Variants in SPHKAP observed in about 807,000 individuals in gnomAD.
The protein encoded by SPHKAP is A-kinase anchor protein SPHKAP.
A neutral mutation model predicts 137.5 loss-of-function variants in SPHKAP; 67 were observed. That is an observed-to-expected ratio of 0.49 (90% CI 0.40 to 0.60). SPHKAP has a LOEUF of 0.60. Ranked by LOEUF, SPHKAP falls within the 20% of genes least tolerant of loss-of-function variation. SPHKAP has a pLI of 0.00. For synonymous variants in SPHKAP, 813 were observed against 785.3 expected (o/e 1.04, Z -0.59); for missense variants, 2,097 against 2,069.3 (o/e 1.01, Z -0.26).
chr2:228,000,013 G>A (rs548011278), intron 7 of SPHKAP, among the ~76,000 whole-genome samples: 5 of 152,272 alleles, frequency 3.3e-5, no homozygotes, highest in Non-Finnish European at 7.4e-5. Context: ...AATGTATAAT[G>A]ACTAATATCA....
intron 1 of SPHKAP, among the ~76,000 whole-genome samples, chr2:228,135,652 T>C (rs1699415633): frequency 6.6e-6 from 1 of 152,238 alleles, no homozygotes; most frequent in Non-Finnish European, 1.5e-5. Context: ...TTTTTTTTGC[T>C]TGCCTGCAAG....
intron 1 of SPHKAP, among the ~76,000 whole-genome samples, chr2:228,149,569 GGAA>G (rs1465870571): frequency 6.6e-6 from 1 of 152,096 alleles, no homozygotes; most frequent in Non-Finnish European, 1.5e-5. Context: ...AGAGCATTAG[GGAA>G]GAAGGAGCAA....
At chr2:228,112,561 A>G (rs1435307663) in intron 2 of SPHKAP, among the ~76,000 whole-genome samples, 4 of 152,110 alleles carry the variant, frequency 2.6e-5, no homozygotes, top group Non-Finnish European at 1.5e-5. Context: ...CTGGGTGGGT[A>G]CATTTTCGTG....
At position 228,017,756 on chromosome 2, in the gene SPHKAP, T is replaced by C; in HGVS notation, c.3098A>G (p.Asp1033Gly). 2 of 1,614,130 alleles carry C rather than the reference T, an allele frequency of 1.2e-6. No homozygotes were observed. The highest frequency in any genetic ancestry group is 1.7e-6 in the Non-Finnish European group (2 of 1,180,014). Residue 1033 changes from aspartate (D) to glycine (G), a missense_variant, in exon 7 of 12, where the codon GAT becomes GGT. By Grantham distance (94) the Asp-to-Gly change is moderately conservative (BLOSUM62 -1). Coordinates refer to ENST00000392056, the MANE Select transcript of SPHKAP (RefSeq NM_001142644.2). ...DESMNLEDVP[D>G]SVNLFANEVA... Reference sequence around the variant, plus strand: ...TTCATTGGCAAAAAGATTGACAGAATCTGGGACATCTTCAAGGTTCATGGA... The same window carrying C: ...TTCATTGGCAAAAAGATTGACAGAACCTGGGACATCTTCAAGGTTCATGGA...
intron 2 of SPHKAP, among the ~76,000 whole-genome samples, chr2:228,119,900 T>C (rs1252986269): frequency 6.6e-6 from 1 of 152,142 alleles, no homozygotes; most frequent in Non-Finnish European, 1.5e-5. Flanking sequence ...AAAGTATGAA[T>C]ATTATTTTAT....
At chr2:228,025,904 T>C in intron 4 of SPHKAP, 1 of 983,088 alleles carries the variant, frequency 1.0e-6, no homozygotes, top group Non-Finnish European at 1.2e-6. Context: ...CGATATGGCT[T>C]GGCTCTGTGT....
intron 3 of SPHKAP, among the ~76,000 whole-genome samples, chr2:228,076,653 A>G (rs2106308816): frequency 6.6e-6 from 1 of 152,328 alleles, no homozygotes; most frequent in South Asian, 2.1e-4. Context: ...TCTAAGCAGC[A>G]AAGCATTGAA....
At chr2:228,140,543 C>T (rs1250383073) in intron 1 of SPHKAP, among the ~76,000 whole-genome samples, 1 of 152,086 alleles carries the variant, frequency 6.6e-6, no homozygotes, top group African/African-American at 2.4e-5. Context: ...ATACTAATTT[C>T]ATTATACCCG....
intron 7 of SPHKAP, among the ~76,000 whole-genome samples, chr2:228,003,783 AT>A (rs1559341186): frequency 6.6e-6 from 1 of 152,162 alleles, no homozygotes; most frequent in African/African-American, 2.4e-5. Context: ...GGGCTCTTGA[AT>A]TTTGTCAAAG....
intron 1 of SPHKAP, among the ~76,000 whole-genome samples, chr2:228,148,682 G>A (rs951112329): frequency 1.3e-5 from 2 of 152,114 alleles, no homozygotes; most frequent in Admixed American, 6.6e-5. Context: ...CTCCTGGTGG[G>A]CAAGGCAGCA....
At chr2:228,036,849 C>T (rs895017575) in intron 3 of SPHKAP, among the ~76,000 whole-genome samples, 15 of 150,128 alleles carry the variant, frequency 1.0e-4, no homozygotes, top group African/African-American at 3.7e-4. Context: ...CACATGGGCA[C>T]AGGAAGGGGA....
chr2:228,105,638 G>C (rs892445941), intron 3 of SPHKAP, among the ~76,000 whole-genome samples: 1 of 152,116 alleles, frequency 6.6e-6, no homozygotes, highest in Non-Finnish European at 1.5e-5. Flanking sequence ...GTTGTGAGAG[G>C]GACCCAGTGG....
intron 3 of SPHKAP, among the ~76,000 whole-genome samples, chr2:228,065,069 C>A (rs1574816111): frequency 6.6e-6 from 1 of 152,184 alleles, no homozygotes; most frequent in Non-Finnish European, 1.5e-5. Context: ...GGGTTGATTT[C>A]TCCAAACTCA....
At position 228,016,489 on chromosome 2, in the gene SPHKAP, T is replaced by C; in HGVS notation, c.4365A>G (p.Glu1455=). 1 of 1,613,884 alleles carries C rather than the reference T, an allele frequency of 6.2e-7. No homozygotes were observed. The highest frequency in any genetic ancestry group is 2.2e-5 in the East Asian group (1 of 44,866). The part of the protein sequence containing the change: ...PFLSKSSLLE[E]AEGHSNDKNI... ...TTTTGTCATTCGAATGCCCTTCTGCTTCCTCTAGGAGGCTGCTTTTGGAAA... is the reference window on the plus strand; with the variant it reads ...TTTTGTCATTCGAATGCCCTTCTGCCTCCTCTAGGAGGCTGCTTTTGGAAA... The change falls in exon 7 of 12, where the codon GAA becomes GAG. Residue 1455 remains glutamate (E), a synonymous_variant. Transcript: ENST00000392056.
At chr2:228,177,195 C>CTT (rs199526972) in intron 1 of SPHKAP, among the ~76,000 whole-genome samples, 2 of 144,166 alleles carry the variant, frequency 1.4e-5, no homozygotes, top group African/African-American at 2.5e-5. Flanking sequence ...TCTTTTAAGC[C>CTT]TTTTTTTTTT....
At chr2:228,026,286 CTTCTT>C (rs1448696681) in intron 4 of SPHKAP, among the ~76,000 whole-genome samples, 1 of 152,184 alleles carries the variant, frequency 6.6e-6, no homozygotes, top group African/African-American at 2.4e-5. Flanking sequence ...ACTAATACCT[CTTCTT>C]TTCTAATTGT....
At chr2:228,130,086 G>A (rs1574876964) in intron 2 of SPHKAP, among the ~76,000 whole-genome samples, 1 of 152,046 alleles carries the variant, frequency 6.6e-6, no homozygotes, top group South Asian at 2.1e-4. Context: ...ATGAGCGACC[G>A]TGCCCAGCAC....
Position 228,028,976 on chromosome 2 carries a change from G to T in SPHKAP, c.247-1433C>A, listed in dbSNP as rs188068631. Among the ~76,000 whole-genome samples, 108 of 152,298 alleles carry T rather than the reference G, an allele frequency of 7.1e-4. 1 individual carries two copies. Among genetic ancestry groups the T allele is most frequent in the Non-Finnish European group, 1.2e-3 (82 of 68,030 alleles). ...AAAGACTTTTGTTGGGTAGGGAATG[G>T]GTGGGGACCATCACTAGTGGGTTGG... is the stretch of plus-strand genomic sequence containing the variant. On this transcript the variant is annotated intron_variant, in intron 3 of 11. Transcript: ENST00000392056.
chr2:228,035,500 A>G (rs1695551512), intron 3 of SPHKAP, among the ~76,000 whole-genome samples: 1 of 152,128 alleles, frequency 6.6e-6, no homozygotes, highest in Admixed American at 6.6e-5. Context: ...CAAGCTACCA[A>G]TGACTTTCTT....
Sources: allele counts gnomAD v4.1 joint callset (sites outside exome capture counted in the v4.1 genomes callset), GRCh38; gene constraint gnomAD v4.1.1; transcripts MANE v1.5; gene names NCBI Gene and HGNC (gene_info 2026-07-23, HGNC 2026-07-21).